The following KCNJ6 variants were observed in gnomAD, a reference collection of about 807,000 sequenced individuals.
KCNJ6 encodes the protein G protein-activated inward rectifier potassium channel 2.
In KCNJ6, 9 loss-of-function variants were observed where a neutral mutation model predicts 34.2. The observed-to-expected ratio is 0.26, with a 90% CI of 0.16 to 0.46. The LOEUF is 0.46. Ranked by LOEUF, KCNJ6 falls within the 20% of genes least tolerant of loss-of-function variation. The probability of loss-of-function intolerance (pLI) is 1.00; values close to 1 mark genes in which losing one functional copy is unlikely to be tolerated. For missense variants in KCNJ6, 236 were observed against 531.3 expected (o/e 0.44, Z 5.46); for synonymous variants, 196 against 207.1 (o/e 0.95, Z 0.46).
At chr21:37,671,386 G>C (rs1475277374) in intron 3 of KCNJ6, among the ~76,000 whole-genome samples, 4 of 152,224 alleles carry the variant, frequency 2.6e-5, no homozygotes, top group Admixed American at 2.0e-4. Flanking sequence ...CCCAGGGAGG[G>C]CGTGCCCCTC....
intron 3 of KCNJ6, among the ~76,000 whole-genome samples, chr21:37,689,084 A>G (rs987898462): frequency 2.0e-5 from 3 of 152,206 alleles, no homozygotes; most frequent in Admixed American, 6.5e-5. Flanking sequence ...TGATGTATGT[A>G]TATGTATAAT....
At chr21:37,785,431 C>G (rs1168811937) in intron 2 of KCNJ6, among the ~76,000 whole-genome samples, 1 of 152,226 alleles carries the variant, frequency 6.6e-6, no homozygotes, top group East Asian at 1.9e-4. Context: ...CCTCTTATCA[C>G]TGACAGGCAT....
chr21:37,816,145 T>G (rs1351171402), intron 2 of KCNJ6, among the ~76,000 whole-genome samples: 2 of 152,074 alleles, frequency 1.3e-5, no homozygotes, highest in Non-Finnish European at 2.9e-5. Flanking sequence ...CTCAGAGGAG[T>G]ACCCAGGACT....
At chr21:37,781,807 C>G (rs1191473589) in intron 2 of KCNJ6, among the ~76,000 whole-genome samples, 1 of 152,108 alleles carries the variant, frequency 6.6e-6, no homozygotes, top group Admixed American at 6.5e-5. Context: ...TCATAGCTAA[C>G]AGTTCAAAGC....
intron 2 of KCNJ6, among the ~76,000 whole-genome samples, chr21:37,762,710 G>C (rs1325679314): frequency 2.0e-5 from 3 of 152,120 alleles, no homozygotes; most frequent in African/African-American, 7.2e-5. Flanking sequence ...GGTGACCTGT[G>C]GCGCTGCGCT....
intron 1 of KCNJ6, among the ~76,000 whole-genome samples, chr21:37,915,635 T>C (rs1478661034): frequency 1.3e-5 from 2 of 152,232 alleles, no homozygotes; most frequent in Non-Finnish European, 2.9e-5. Context: ...TGCAGACCCC[T>C]CCTTCCCCCG....
chr21:37,903,072 T>G (rs534622731), intron 1 of KCNJ6, among the ~76,000 whole-genome samples: 2 of 152,290 alleles, frequency 1.3e-5, no homozygotes, highest in African/African-American at 4.8e-5. Flanking sequence ...GGCTAAGAGC[T>G]TCAGTGTTCC....
At chr21:37,914,308 GTAC>G (rs1253701846) in intron 1 of KCNJ6, among the ~76,000 whole-genome samples, 1 of 152,200 alleles carries the variant, frequency 6.6e-6, no homozygotes, top group Non-Finnish European at 1.5e-5. Context: ...AAAGGAGTGG[GTAC>G]TGCTTGCTGG....
rs1169553745 is a variant in KCNJ6, at chr21:37,618,449, TA to T, written c.*6709del. 6.6e-6 allele frequency: 1 copy of T among 152,234 alleles called. No homozygotes were observed. Among genetic ancestry groups the T allele is most frequent in the Admixed American group, 6.5e-5 (1 of 15,288 alleles). 9.4% of individuals were successfully genotyped at this position (152,234 alleles called of 1,614,324 possible). A position where few individuals can be genotyped will look rare whatever the true frequency, so the allele number is the denominator to read the frequency against. On this transcript the variant is annotated 3_prime_UTR_variant, in exon 4 of 4. Coordinates refer to ENST00000609713, the MANE Select transcript of KCNJ6 (RefSeq NM_002240.5). ...GATGATGATTACATGTTTATTTCAC[TA>T]GTGCTTGTTGGTAGCAGATATTTAC...
chr21:37,744,477 G>T (rs1269096351), intron 2 of KCNJ6, among the ~76,000 whole-genome samples: 1 of 152,098 alleles, frequency 6.6e-6, no homozygotes, highest in Non-Finnish European at 1.5e-5. Context: ...GTCTCCTCTG[G>T]GATTTCCAAC....
intron 2 of KCNJ6, among the ~76,000 whole-genome samples, chr21:37,764,909 G>A (rs2835946): frequency 0.62 from 93,813 of 152,056 alleles, 29,603 homozygotes; most frequent in African/African-American, 0.74. Flanking sequence ...AAGAGGCACC[G>A]CAAATATTTC....
intron 2 of KCNJ6, among the ~76,000 whole-genome samples, chr21:37,815,002 A>G (rs2055340001): frequency 6.6e-6 from 1 of 152,050 alleles, no homozygotes; most frequent in South Asian, 2.1e-4. Flanking sequence ...GCTAAGTGAA[A>G]TAAGCCAGGC....
chr21:37,868,972 C>T (rs1379244445), intron 1 of KCNJ6, among the ~76,000 whole-genome samples: 1 of 152,202 alleles, frequency 6.6e-6, no homozygotes, highest in East Asian at 1.9e-4. Context: ...GGGAAAAACG[C>T]AGTAGAGAAT....
chr21:37,805,791 T>C (rs982572042), intron 2 of KCNJ6, among the ~76,000 whole-genome samples: 2 of 152,056 alleles, frequency 1.3e-5, no homozygotes, highest in Non-Finnish European at 2.9e-5. Flanking sequence ...GTGTGGTGTG[T>C]GATGACAGTG....
At chr21:37,879,794 G>A (rs1032005517) in intron 1 of KCNJ6, among the ~76,000 whole-genome samples, 2 of 151,714 alleles carry the variant, frequency 1.3e-5, no homozygotes, top group African/African-American at 4.9e-5. Flanking sequence ...AGACATGCAT[G>A]TCGGATTGGG....
intron 3 of KCNJ6, among the ~76,000 whole-genome samples, chr21:37,677,227 G>A (rs77197950): frequency 1.7e-4 from 26 of 152,288 alleles, no homozygotes; most frequent in Middle Eastern, 3.4e-3. Context: ...GGGAGGGAGA[G>A]GACTCCGGTA....
At chr21:37,770,100 C>A (rs1416508052) in intron 2 of KCNJ6, among the ~76,000 whole-genome samples, 1 of 152,192 alleles carries the variant, frequency 6.6e-6, no homozygotes, top group Admixed American at 6.5e-5. Context: ...CCTTATGAAA[C>A]TAGGGTTACC....
chr21:37,910,515 C>A (rs568139036), intron 1 of KCNJ6, among the ~76,000 whole-genome samples: 1 of 152,232 alleles, frequency 6.6e-6, no homozygotes, highest in South Asian at 2.1e-4. Context: ...AGATTTAGTC[C>A]CACAGAACAG....
At chr21:37,764,482 G>T (rs912344399) in intron 2 of KCNJ6, among the ~76,000 whole-genome samples, 1 of 151,658 alleles carries the variant, frequency 6.6e-6, no homozygotes, top group African/African-American at 2.4e-5. Context: ...GGGTTCAAGC[G>T]ATTCTCCTGT....
Sources: gnomAD v4.1 joint callset for allele counts (sites outside exome capture counted in the v4.1 genomes callset) on GRCh38, gnomAD v4.1.1 for gene constraint, MANE v1.5 for transcripts, NCBI Gene and HGNC (gene_info 2026-07-23, HGNC 2026-07-21) for gene names.